Variants in AGBL4 observed in about 807,000 individuals in gnomAD.
AGBL4 encodes AGBL carboxypeptidase 4, also known as cytosolic carboxypeptidase 6.
AGBL4 carries 58 observed loss-of-function variants against 66.4 expected under a neutral mutation model. The observed-to-expected ratio is 0.87, with a 90% CI of 0.71 to 1.09. The LOEUF (loss-of-function observed/expected upper bound fraction) is 1.09, where lower values mean the gene tolerates loss of function less well. Among genes scored for constraint, AGBL4 ranks in the 50% least tolerant of loss-of-function variants. The pLI, the probability that AGBL4 is intolerant of heterozygous loss-of-function variation, is 0.00. For missense variants in AGBL4, 579 were observed against 631.0 expected (o/e 0.92, Z 0.88); for synonymous variants, 234 against 222.9 (o/e 1.05, Z -0.44).
chr1:49,315,993 G>A (rs1275639815), intron 3 of AGBL4, among the ~76,000 whole-genome samples: 1 of 152,008 alleles, frequency 6.6e-6, no homozygotes, highest in African/African-American at 2.4e-5. Flanking sequence ...ATATTGCTAA[G>A]TGAAAGAGAC....
intron 3 of AGBL4, among the ~76,000 whole-genome samples, chr1:49,576,311 G>A (rs1037899617): frequency 6.6e-6 from 1 of 152,202 alleles, no homozygotes; most frequent in Non-Finnish European, 1.5e-5. Context: ...CCAGGCTGCT[G>A]TGCAAGCTGC....
chr1:48,645,709 T>C (rs1349017541), intron 8 of AGBL4, among the ~76,000 whole-genome samples: 1 of 152,172 alleles, frequency 6.6e-6, no homozygotes, highest in Non-Finnish European at 1.5e-5. Context: ...AAACAATTAA[T>C]GCAAAATGCC....
chr1:49,277,281 G>T lies in AGBL4; in HGVS notation c.283-31417C>A, dbSNP rs1023015293. Among the ~76,000 whole-genome samples, 3 of 152,162 alleles carry T rather than the reference G, an allele frequency of 2.0e-5. No homozygotes were observed. The South Asian group carries it at 6.2e-4, about 32-fold the overall frequency. ...ACTAACATATATTTTTTGATCAATT[G>T]TTATCCTTTAAATTTCAATTTCCCA... On this transcript the variant is annotated intron_variant, in intron 3 of 13. Transcript: ENST00000371839.
At chr1:49,060,991 T>C (rs1644392317) in intron 4 of AGBL4, among the ~76,000 whole-genome samples, 1 of 152,060 alleles carries the variant, frequency 6.6e-6, no homozygotes, top group African/African-American at 2.4e-5. Context: ...AAACTAGGTT[T>C]CCAAACTCAG....
chr1:48,928,619 T>C (rs1654781862), intron 5 of AGBL4, among the ~76,000 whole-genome samples: 1 of 152,128 alleles, frequency 6.6e-6, no homozygotes, highest in Non-Finnish European at 1.5e-5. Flanking sequence ...TCCAAAGGAC[T>C]TCACACAAAT....
intron 5 of AGBL4, among the ~76,000 whole-genome samples, chr1:48,984,127 A>G (rs1293936256): frequency 6.6e-6 from 1 of 152,112 alleles, no homozygotes; most frequent in Admixed American, 6.5e-5. Flanking sequence ...CTAGGAGGCT[A>G]TAAGAATTCA....
intron 7 of AGBL4, among the ~76,000 whole-genome samples, chr1:48,657,306 C>T (rs60162645): frequency 0.12 from 18,750 of 152,128 alleles, 2,304 homozygotes; most frequent in African/African-American, 0.32. Context: ...CATTGCTCTT[C>T]GTTGGCTTGC....
chr1:48,764,653 C>T (rs1042879650), intron 6 of AGBL4, among the ~76,000 whole-genome samples: 7 of 152,244 alleles, frequency 4.6e-5, no homozygotes, highest in East Asian at 1.9e-4. Context: ...ATAAACTAGG[C>T]GTCAGACAAC....
At chr1:49,168,242 G>A (rs1013659321) in intron 4 of AGBL4, among the ~76,000 whole-genome samples, 23 of 152,100 alleles carry the variant, frequency 1.5e-4, no homozygotes, top group African/African-American at 5.3e-4. Context: ...TGATGCACAT[G>A]TTAAGAGTTT....
chr1:48,811,793 A>G (rs554737358), intron 6 of AGBL4, among the ~76,000 whole-genome samples: 23 of 152,164 alleles, frequency 1.5e-4, no homozygotes, highest in Admixed American at 3.9e-4. Context: ...TGCAACAGAT[A>G]GGGTATGTAC....
At chr1:49,398,333 TTCTC>T (rs36025670) in intron 3 of AGBL4, among the ~76,000 whole-genome samples, 3,866 of 143,580 alleles carry the variant, frequency 0.027, 131 homozygotes, top group African/African-American at 0.084. Context: ...CTCTCTCTCT[TTCTC>T]TCTCTCTCTC....
chr1:49,514,315 CT>C (rs1649562119), intron 3 of AGBL4, among the ~76,000 whole-genome samples: 1 of 151,730 alleles, frequency 6.6e-6, no homozygotes, highest in Admixed American at 6.6e-5. Context: ...AAAGGGAATG[CT>C]TCCAACTTAC....
At chr1:49,726,598 CA>C (rs886129107) in intron 2 of AGBL4, among the ~76,000 whole-genome samples, 2 of 152,036 alleles carry the variant, frequency 1.3e-5, no homozygotes. Context: ...CTGCAAAGGT[CA>C]GGACTTTCTG....
rs145427098 is a variant in AGBL4 at position 48,732,410 on chromosome 1, T to C, written c.635-69169A>G. 1.4e-3 allele frequency among the ~76,000 whole-genome samples: 218 copies of C among 152,302 alleles called. 1 individual carries two copies. Among genetic ancestry groups the C allele is most frequent in the African/African-American group, 5.0e-3 (207 of 41,564 alleles). On this transcript the variant is annotated intron_variant, in intron 6 of 13. Transcript: ENST00000371839. ...TATTTATTGAGCACTTACTATAGGC[T>C]AGCCCTGAACAAGATGCTCATAAAG...
At chr1:48,597,413 T>C (rs1645009454) in intron 9 of AGBL4, among the ~76,000 whole-genome samples, 1 of 152,072 alleles carries the variant, frequency 6.6e-6, no homozygotes, top group Admixed American at 6.6e-5. Flanking sequence ...TTGTGAAACA[T>C]GCTAGAAATG....
intron 3 of AGBL4, among the ~76,000 whole-genome samples, chr1:49,547,310 T>C (rs1652569323): frequency 1.3e-5 from 2 of 152,204 alleles, no homozygotes; most frequent in Non-Finnish European, 2.9e-5. Context: ...ATCAGTTGGC[T>C]GTAAGTATTT....
At chr1:49,157,055 A>G (rs1346022047) in intron 4 of AGBL4, among the ~76,000 whole-genome samples, 2 of 152,078 alleles carry the variant, frequency 1.3e-5, no homozygotes, top group Non-Finnish European at 2.9e-5. Flanking sequence ...TCTTTTAATG[A>G]GAAAAAGTTT....
chr1:49,877,872 C>G (rs1469753374), intron 1 of AGBL4, among the ~76,000 whole-genome samples: 10 of 151,990 alleles, frequency 6.6e-5, no homozygotes, highest in Non-Finnish European at 1.5e-4. Flanking sequence ...TCAACTTCTT[C>G]CTGGTTTAGT....
chr1:49,419,242 T>C (rs974665799), intron 3 of AGBL4, among the ~76,000 whole-genome samples: 9 of 152,316 alleles, frequency 5.9e-5, no homozygotes, highest in Middle Eastern at 3.4e-3. Flanking sequence ...ACAAGTATTA[T>C]ATGCAGTGCT....
Sources: gnomAD v4.1 joint callset for allele counts (sites outside exome capture counted in the v4.1 genomes callset) on GRCh38, gnomAD v4.1.1 for gene constraint, MANE v1.5 for transcripts, NCBI Gene and HGNC (gene_info 2026-07-23, HGNC 2026-07-21) for gene names.